The following AHCTF1 variants were observed in gnomAD, a reference collection of about 807,000 sequenced individuals.
The protein encoded by AHCTF1 is protein ELYS.
In AHCTF1, 24 loss-of-function variants were observed where a neutral mutation model predicts 248.4. The observed-to-expected ratio is 0.10, with a 90% CI of 0.07 to 0.14. AHCTF1 has a LOEUF of 0.14. Among genes scored for constraint, AHCTF1 ranks in the 10% least tolerant of loss-of-function variants. The pLI, the probability that AHCTF1 is intolerant of heterozygous loss-of-function variation, is 1.00. For synonymous variants in AHCTF1, 786 were observed against 929.8 expected, an observed-to-expected ratio of 0.85 and a Z score of 2.81; for missense variants, 2,206 against 2,636.2, an observed-to-expected ratio of 0.84 and a Z score of 3.57.
intron 4 of AHCTF1, among the ~76,000 whole-genome samples, chr1:246,911,241 T>C (rs1665774894): frequency 6.6e-6 from 1 of 152,186 alleles, no homozygotes. Flanking sequence ...AGCATTTTAA[T>C]TAGCCTTACA....
Position 246,850,837 on chromosome 1 carries a change from T to C in AHCTF1, c.5169A>G (p.Thr1723=). ...SAFKTAQETS[T]MTMNVSQVDD... The stretch of plus-strand genomic sequence containing the variant: ...CAACCTGGCTGACATTCATAGTCAT[T>C]GTGCTTGTTTCCTGAGCAGTCTTAA... The change falls in exon 33 of 36, where the codon ACA becomes ACG. Residue 1723 remains threonine (T), a synonymous_variant. Transcript: ENST00000648844. The C allele has an allele frequency of 6.2e-7, 1 of 1,613,918 alleles. No homozygotes were observed. The highest frequency in any genetic ancestry group is 1.1e-5 in the South Asian group (1 of 91,074).
chr1:246,861,878 G>T, intron 28 of AHCTF1, 81 bp downstream of exon 28: 1 of 1,193,102 alleles, frequency 8.4e-7, no homozygotes, highest in Non-Finnish European at 1.2e-6. Context: ...TTAAAAACTT[G>T]ATTTATCTAA....
chr1:246,896,825 A>G (rs1664608202), intron 12 of AHCTF1, among the ~76,000 whole-genome samples: 1 of 152,246 alleles, frequency 6.6e-6, no homozygotes, highest in Non-Finnish European at 1.5e-5. Flanking sequence ...AAGATGTTCA[A>G]AAAGGAATCC....
intron 35 of AHCTF1, 121 bp from the exon 36 acceptor site, chr1:246,841,119 G>A: frequency 1.2e-6 from 1 of 812,150 alleles, no homozygotes; most frequent in Non-Finnish European, 1.9e-6. Flanking sequence ...TATAAAAGAT[G>A]TAATGGTTTC....
chr1:246,908,368 C>T (rs768257985), intron 4 of AHCTF1, among the ~76,000 whole-genome samples: 18 of 151,204 alleles, frequency 1.2e-4, no homozygotes, highest in Non-Finnish European at 2.4e-4. Flanking sequence ...GAAGCCTACC[C>T]TCCCCACCTA....
In AHCTF1 at chr1:246,876,178, C is replaced by T; in HGVS notation, c.2947G>A (p.Asp983Asn). ...AGTGATCTCTCCCGCAAACGAGGATCACGATCATTCTATTAAACATCAAAA... is the reference window on the plus strand; with the variant it reads ...AGTGATCTCTCCCGCAAACGAGGATTACGATCATTCTATTAAACATCAAAA... ...TLKINVMNDR[D>N]PRLRERSLAR... The change falls in exon 24 of 36, where the codon GAT (aspartate) becomes AAT (asparagine). Residue 983 changes from aspartate (D) to asparagine (N), a missense_variant. Asp to Asn is a conservative substitution (Grantham distance 23). This residue lies in a region of AHCTF1 where 955 missense variants were observed against 1,055.6 expected (regional missense o/e 0.90). Transcript: ENST00000648844. The T allele has an allele frequency of 6.3e-7, 1 of 1,592,168 alleles. No homozygotes were observed. The highest frequency in any genetic ancestry group is 8.6e-7 in the Non-Finnish European group (1 of 1,167,414).
intron 4 of AHCTF1, among the ~76,000 whole-genome samples, chr1:246,909,800 C>T (rs1665670276): frequency 6.6e-6 from 1 of 152,164 alleles, no homozygotes; most frequent in Non-Finnish European, 1.5e-5. Flanking sequence ...GGGGGAACTA[C>T]CCTGCAGAGG....
intron 35 of AHCTF1, 81 bp downstream of exon 35, chr1:246,842,613 T>G: frequency 9.6e-7 from 1 of 1,038,166 alleles, no homozygotes. Context: ...AATAAAATAA[T>G]AAAAGGAGGA....
At chr1:246,894,036 T>G (rs1390696536) in intron 14 of AHCTF1, among the ~76,000 whole-genome samples, 1 of 151,986 alleles carries the variant, frequency 6.6e-6, no homozygotes, top group African/African-American at 2.4e-5. Context: ...AGACCATGTC[T>G]CTACAAAAAA....
At chr1:246,889,267 TTTCTC>T (rs1664042772) in intron 17 of AHCTF1, among the ~76,000 whole-genome samples, 1 of 145,712 alleles carries the variant, frequency 6.9e-6, no homozygotes, top group South Asian at 2.1e-4. Context: ...TTCCTTTTCT[TTTCTC>T]TTCTTTTTTC....
At chr1:246,867,901 CCACACA>C (rs1553291132) in intron 24 of AHCTF1, 90 bp from the exon 25 acceptor site, 875 of 312,930 alleles carry the variant, frequency 2.8e-3, no homozygotes, top group East Asian at 9.5e-3. Flanking sequence ...ACCCCCCCCC[CCACACA>C]CACACACACA....
intron 1 of AHCTF1, among the ~76,000 whole-genome samples, chr1:246,930,449 C>T (rs970579534): frequency 6.6e-6 from 1 of 152,130 alleles, no homozygotes; most frequent in Non-Finnish European, 1.5e-5. Context: ...TAGCGCTTGG[C>T]ACACTTAAAA....
At chr1:246,844,336 GTTTT>G (rs1333617481) in intron 33 of AHCTF1, among the ~76,000 whole-genome samples, 1 of 152,178 alleles carries the variant, frequency 6.6e-6, no homozygotes, top group Non-Finnish European at 1.5e-5. Context: ...TACAAAGTAG[GTTTT>G]TTATTTTCAA....
intron 35 of AHCTF1, among the ~76,000 whole-genome samples, chr1:246,841,555 T>C (rs1034854464): frequency 2.0e-5 from 3 of 152,202 alleles, no homozygotes; most frequent in African/African-American, 7.2e-5. Flanking sequence ...CAAGATACTG[T>C]GTAACAAATA....
At chr1:246,852,968 TATAA>T in intron 32 of AHCTF1, 119 bp downstream of exon 32, 1 of 684,558 alleles carries the variant, frequency 1.5e-6, no homozygotes, top group Non-Finnish European at 2.4e-6. Context: ...CCCATATTTT[TATAA>T]ATAAGTTTTT....
At chr1:246,889,085 C>T (rs1664028293) in intron 17 of AHCTF1, among the ~76,000 whole-genome samples, 1 of 152,116 alleles carries the variant, frequency 6.6e-6, no homozygotes, top group African/African-American at 2.4e-5. Flanking sequence ...TATTTTTCAC[C>T]ATATTAAGCA....
intron 21 of AHCTF1, among the ~76,000 whole-genome samples, chr1:246,877,662 C>A (rs368702933): frequency 2.4e-4 from 36 of 152,036 alleles, no homozygotes; most frequent in African/African-American, 8.5e-4. Context: ...GGGAAGCGTG[C>A]GAAAGACTGA....
intron 27 of AHCTF1, among the ~76,000 whole-genome samples, chr1:246,862,810 C>T (rs1661670127): frequency 1.3e-5 from 2 of 152,146 alleles, no homozygotes; most frequent in South Asian, 2.1e-4. Flanking sequence ...AAAAAAATTT[C>T]GTCACACGAA....
At chr1:246,868,404 A>C (rs937575430) in intron 24 of AHCTF1, among the ~76,000 whole-genome samples, 1 of 145,980 alleles carries the variant, frequency 6.9e-6, no homozygotes, top group African/African-American at 2.8e-5. Flanking sequence ...TACAGGCGTG[A>C]GCCACTGCGC....
Sources: gnomAD v4.1 joint callset for allele counts (sites outside exome capture counted in the v4.1 genomes callset) on GRCh38, gnomAD v4.1.1 for gene constraint, gnomAD v4.1.1 regional missense constraint, MANE v1.5 for transcripts, NCBI Gene and HGNC (gene_info 2026-07-23, HGNC 2026-07-21) for gene names.